TRIM5: variants seen among roughly 807,000 people sequenced by gnomAD.
TRIM5 encodes the protein tripartite motif containing 5.
In TRIM5, 31 loss-of-function variants were observed where a neutral mutation model predicts 35.6. The ratio of observed to expected loss-of-function variants is 0.87; its 90% CI spans 0.65 to 1.18. The LOEUF is 1.18. Among genes scored for constraint, TRIM5 ranks in the 50% most tolerant of loss-of-function variants. The pLI, the probability that TRIM5 is intolerant of heterozygous loss-of-function variation, is 0.00. For missense variants in TRIM5, 609 were observed against 591.6 expected (o/e 1.03, Z -0.31); for synonymous variants, 243 against 215.6 (o/e 1.13, Z -1.11).
At chr11:5,652,803 G>A in the TRIM5 span, among the ~76,000 whole-genome samples, 1 of 151,622 alleles carries the variant, frequency 6.6e-6, no homozygotes, top group Admixed American at 6.6e-5. Context: ...CATGAGCATA[G>A]AATGTTTTTC....
At chr11:5,596,963 G>C in the TRIM5 span, 8 of 1,613,624 alleles carry the variant, frequency 5.0e-6, no homozygotes, top group Admixed American at 1.7e-5. Flanking sequence ...TTCTGGCAGA[G>C]GTGACAGGGC....
chr11:5,643,459 G>T, the TRIM5 span: 16 of 1,614,068 alleles, frequency 9.9e-6, no homozygotes, highest in African/African-American at 4.0e-5. Flanking sequence ...CAGAATAAAT[G>T]TAAGTATGGT....
the TRIM5 span, among the ~76,000 whole-genome samples, chr11:5,616,737 CTT>C: frequency 3.0e-3 from 383 of 126,492 alleles, 27 homozygotes; most frequent in South Asian, 0.049. Context: ...CGAGAATAAC[CTT>C]TTTTTTTTTT....
intron 1 of TRIM5, 135 bp from the exon 2 acceptor site, chr11:5,680,373 G>A: frequency 1.8e-6 from 1 of 566,020 alleles, no homozygotes; most frequent in Non-Finnish European, 2.9e-6. Context: ...AAGAAAAGGT[G>A]TTTGGTTACC....
At chr11:5,604,804 A>G in the TRIM5 span, 1 of 607,050 alleles carries the variant, frequency 1.6e-6, no homozygotes. Context: ...GGAGGTAAAT[A>G]GCAAATATAT....
At chr11:5,603,549 G>A in the TRIM5 span, 6 of 1,614,082 alleles carry the variant, frequency 3.7e-6, no homozygotes, top group Non-Finnish European at 5.1e-6. Context: ...ACATAGTGAG[G>A]CGGCTCAGAG....
chr11:5,608,461 T>A, the TRIM5 span: 3 of 1,599,494 alleles, frequency 1.9e-6, no homozygotes, highest in Non-Finnish European at 2.6e-6. Context: ...CCATGATCAG[T>A]GGGAAAGGGA....
At position 5,680,910 on chromosome 11, in the gene TRIM5, C is replaced by G. The variant is rs60111961; in HGVS notation, c.-61-672G>C. 3.6e-3 allele frequency among the ~76,000 whole-genome samples: 542 copies of G among 152,278 alleles called. 11 individuals carry two copies. Among genetic ancestry groups the G allele is most frequent in the African/African-American group, 0.013 (527 of 41,554 alleles). On this transcript the variant is annotated intron_variant, in intron 1 of 7. Transcript: ENST00000380034. ...TGACCTCGTATTCAGGGTCCTCTTT[C>G]ACTGGCCTCTTTGCTACTCTTTTGG...
chr11:5,666,851 A>G (rs1851180940), intron 5 of TRIM5, among the ~76,000 whole-genome samples: 1 of 152,248 alleles, frequency 6.6e-6, no homozygotes, highest in African/African-American at 2.4e-5. Flanking sequence ...TATTATCCAG[A>G]ATATTATTTT....
chr11:5,630,037 A>G, the TRIM5 span, among the ~76,000 whole-genome samples: 11 of 152,106 alleles, frequency 7.2e-5, no homozygotes, highest in African/African-American at 2.4e-4. Flanking sequence ...GTACAAGACC[A>G]TGTGACCATG....
At chr11:5,593,545 C>T in the TRIM5 span, among the ~76,000 whole-genome samples, 1 of 152,052 alleles carries the variant, frequency 6.6e-6, no homozygotes, top group Non-Finnish European at 1.5e-5. Flanking sequence ...TTTTTTATCA[C>T]TATTTGGCTA....
At chr11:5,591,721 T>C in the TRIM5 span, among the ~76,000 whole-genome samples, 1 of 152,176 alleles carries the variant, frequency 6.6e-6, no homozygotes, top group African/African-American at 2.4e-5. Context: ...AGACATGATC[T>C]GATTGGATCC....
chr11:5,684,323 GCTCTCTTA>G (rs1264710445), intron 1 of TRIM5, among the ~76,000 whole-genome samples: 1 of 152,208 alleles, frequency 6.6e-6, no homozygotes, highest in Admixed American at 6.5e-5. Flanking sequence ...TAGAGAAGGA[GCTCTCTTA>G]CTCTCCACTC....
downstream of TRIM5, among the ~76,000 whole-genome samples, chr11:5,658,944 T>A (rs147185200): frequency 3.9e-5 from 6 of 152,026 alleles, no homozygotes; most frequent in East Asian, 1.2e-3. Context: ...TAGGTGGGAA[T>A]TGAACAATGA....
At chr11:5,633,674 C>A in the TRIM5 span, 1 of 865,418 alleles carries the variant, frequency 1.2e-6, no homozygotes, top group Non-Finnish European at 1.7e-6. Flanking sequence ...GTCATAGATT[C>A]TAATCACCAG....
the TRIM5 span, among the ~76,000 whole-genome samples, chr11:5,625,845 GC>G: frequency 9.5e-4 from 145 of 152,278 alleles, no homozygotes; most frequent in African/African-American, 2.8e-3. Flanking sequence ...ACACACCTTG[GC>G]ATTGATTTGT....
chr11:5,622,348 G>A, the TRIM5 span, among the ~76,000 whole-genome samples: 1 of 152,008 alleles, frequency 6.6e-6, no homozygotes, highest in South Asian at 2.1e-4. Flanking sequence ...GGGAGGCTGA[G>A]GAAGGAGAAT....
chr11:5,656,749 AACC>A, the TRIM5 span, among the ~76,000 whole-genome samples: 1 of 152,220 alleles, frequency 6.6e-6, no homozygotes, highest in Non-Finnish European at 1.5e-5. Context: ...TGCAAATCAA[AACC>A]ACAATGAGAT....
the TRIM5 span, among the ~76,000 whole-genome samples, chr11:5,594,873 G>C: frequency 8.7e-4 from 132 of 152,280 alleles, no homozygotes; most frequent in African/African-American, 3.1e-3. Flanking sequence ...GGGGTCAGGA[G>C]AATTTCAGAG....
Sources: gnomAD v4.1 joint callset for allele counts (sites outside exome capture counted in the v4.1 genomes callset) on GRCh38, gnomAD v4.1.1 for gene constraint, MANE v1.5 for transcripts, NCBI Gene and HGNC (gene_info 2026-07-23, HGNC 2026-07-21) for gene names.